The following BFSP1 variants were observed in gnomAD, a reference collection of about 807,000 sequenced individuals.
The protein encoded by BFSP1 is filensin.
In BFSP1, 38 loss-of-function variants were observed where a neutral mutation model predicts 43.9. The observed-to-expected ratio is 0.87, with a 90% CI of 0.67 to 1.14. The LOEUF (loss-of-function observed/expected upper bound fraction) is 1.14. Among genes scored for constraint, BFSP1 ranks in the 50% most tolerant of loss-of-function variants. The probability of loss-of-function intolerance (pLI) is 0.00; values close to 1 mark genes in which losing one functional copy is unlikely to be tolerated. For synonymous variants in BFSP1, 352 were observed against 354.8 expected, an observed-to-expected ratio of 0.99 and a Z score of 0.09; for missense variants, 850 against 875.1, an observed-to-expected ratio of 0.97 and a Z score of 0.36.
upstream of BFSP1, among the ~76,000 whole-genome samples, chr20:17,534,716 A>G (rs1412500698): frequency 2.0e-5 from 3 of 152,346 alleles, no homozygotes; most frequent in African/African-American, 7.2e-5. Flanking sequence ...CTGAAGAGAC[A>G]GGACATCTAA....
intron 1 of BFSP1, among the ~76,000 whole-genome samples, chr20:17,547,715 GT>G (rs200507829): frequency 9.5e-5 from 14 of 146,968 alleles, no homozygotes; most frequent in East Asian, 4.1e-4. Flanking sequence ...TAAGAGACAT[GT>G]TTTTTTTCTT....
chr20:17,547,364 G>C (rs939501118), intron 1 of BFSP1, among the ~76,000 whole-genome samples: 1 of 151,984 alleles, frequency 6.6e-6, no homozygotes, highest in African/African-American at 2.4e-5. Context: ...TGTCATCCTT[G>C]CCTAATTTTG....
chr20:17,560,254 C>T (rs1011019130), upstream of BFSP1: 2 of 152,194 alleles, frequency 1.3e-5, no homozygotes, highest in Admixed American at 1.3e-4. Context: ...ATCAGGCATT[C>T]TCTTCCTCCA....
At chr20:17,532,099 A>G (rs184825912), upstream of BFSP1, among the ~76,000 whole-genome samples, 495 of 152,276 alleles carry the variant, frequency 3.3e-3, 1 homozygote, top group Non-Finnish European at 4.8e-3. Context: ...TGCTTTCTTG[A>G]ATGGAAAAAA....
intron 1 of BFSP1, among the ~76,000 whole-genome samples, chr20:17,549,798 T>G (rs1378818284): frequency 6.6e-6 from 1 of 152,160 alleles, no homozygotes; most frequent in Admixed American, 6.5e-5. Flanking sequence ...ATCGTGCCAC[T>G]ACACTCCAGC....
intron 2 of BFSP1, chr20:17,516,976 T>C (rs2034212989): frequency 2.6e-6 from 2 of 759,294 alleles, no homozygotes; most frequent in Non-Finnish European, 4.8e-6. Flanking sequence ...AGACTGATCT[T>C]TGCTAGCAAG....
chr20:17,494,626 A>AG lies in BFSP1; in HGVS notation c.1445dup (p.Arg483Ter). On this transcript the variant is annotated frameshift_variant, in exon 8 of 8. Coordinates refer to ENST00000377873, the MANE Select transcript of BFSP1 (RefSeq NM_001195.5). LOFTEE classifies it low-confidence loss of function (END_TRUNC). Reference sequence around the variant, plus strand: ...CTGTGATGGAGGAGACATAGAATCTAGGGTCCACGTAATTGGCATCCCCTG... The same window carrying AG: ...CTGTGATGGAGGAGACATAGAATCTAGGGGTCCACGTAATTGGCATCCCCTG... The AG allele has an allele frequency of 6.2e-7, 1 of 1,614,234 alleles. No individual in the cohort carries two copies. The highest frequency in any genetic ancestry group is 1.1e-5 in the South Asian group (1 of 91,082).
intron 3 of BFSP1, 42 bp from the exon 4 acceptor site, chr20:17,512,110 C>A (rs1559956): frequency 1.0e-4 from 153 of 1,518,396 alleles, no homozygotes; most frequent in Admixed American, 2.2e-4. Flanking sequence ...AGTTGAGCTG[C>A]GCTGGTTTTT....
intron 1 of BFSP1, among the ~76,000 whole-genome samples, chr20:17,553,794 TACACACACACAC>T (rs144515006): frequency 0.083 from 8,645 of 104,698 alleles, 1,063 homozygotes; most frequent in African/African-American, 0.24. Flanking sequence ...TATATATATA[TACACACACACAC>T]ACACACACAC....
At chr20:17,535,168 T>G (rs1421621028), upstream of BFSP1, among the ~76,000 whole-genome samples, 1 of 152,164 alleles carries the variant, frequency 6.6e-6, no homozygotes, top group East Asian at 1.9e-4. Flanking sequence ...GTATCAAGAT[T>G]AAATTTACTG....
At chr20:17,543,223 G>T (rs967832224) in intron 1 of BFSP1, among the ~76,000 whole-genome samples, 1 of 152,164 alleles carries the variant, frequency 6.6e-6, no homozygotes, top group South Asian at 2.1e-4. Context: ...CAACAGTGGC[G>T]GTAAGCAGAG....
chr20:17,516,302 G>A (rs1303989182), intron 2 of BFSP1, among the ~76,000 whole-genome samples: 1 of 151,978 alleles, frequency 6.6e-6, no homozygotes, highest in Non-Finnish European at 1.5e-5. Context: ...ACTCCAGTCT[G>A]GGCAAAAAGA....
In BFSP1 at chr20:17,507,314, C is replaced by T. The variant is rs1336060701; in HGVS notation, c.735+1575G>A. ...GTGTGTGTGTGTGTGTGTATTTCAACATATCCATATGGATATAGAGAGATA... is the reference window on the plus strand; with the variant it reads ...GTGTGTGTGTGTGTGTGTATTTCAATATATCCATATGGATATAGAGAGATA... On this transcript the variant is annotated intron_variant, in intron 5 of 7. Transcript: ENST00000377873. This position sits in a 1 kb window ranked among gnomAD's most constrained non-coding sequence, Gnocchi z 4.4. 2.0e-5 allele frequency among the ~76,000 whole-genome samples: 3 copies of T among 148,298 alleles called. No homozygotes were observed. The highest frequency in any genetic ancestry group is 6.7e-5 in the Admixed American group (1 of 15,012).
rs879710645 is a variant in BFSP1, at chr20:17,494,021, C to T, written c.*53G>A. 133 of 1,458,708 alleles carry T rather than the reference C, an allele frequency of 9.1e-5. No homozygotes were observed. Among genetic ancestry groups the T allele is most frequent in the Non-Finnish European group, 1.2e-4 (129 of 1,069,044 alleles). The allele number at this position is 1,458,708 out of a possible 1,614,324, so 90.4% of individuals were successfully genotyped here. Reference sequence around the variant, plus strand: ...TATCATTTGCTCTAAAATATCAAAGCATTACCCCTACAGTGGCCCCAAATA... The same window carrying T: ...TATCATTTGCTCTAAAATATCAAAGTATTACCCCTACAGTGGCCCCAAATA... On this transcript the variant is annotated 3_prime_UTR_variant, in exon 8 of 8. Transcript: ENST00000377873.
intron 4 of BFSP1, among the ~76,000 whole-genome samples, chr20:17,511,133 C>T (rs1029720238): frequency 1.3e-5 from 2 of 150,538 alleles, no homozygotes; most frequent in Non-Finnish European, 3.0e-5. Context: ...ATATATATAT[C>T]ATGCTATGCA....
At chr20:17,559,239 C>A (rs1251670124), upstream of BFSP1, among the ~76,000 whole-genome samples, 7 of 151,680 alleles carry the variant, frequency 4.6e-5, no homozygotes, top group Admixed American at 6.6e-5. Context: ...CATTAAAAAA[C>A]AACAACAACA....
chr20:17,540,126 T>C (rs1266170457), intron 1 of BFSP1, among the ~76,000 whole-genome samples: 3 of 152,156 alleles, frequency 2.0e-5, no homozygotes, highest in African/African-American at 7.2e-5. Flanking sequence ...CGCCATTGTT[T>C]AGCAGGGTCT....
At chr20:17,549,653 T>C (rs1417115977) in intron 1 of BFSP1, among the ~76,000 whole-genome samples, 1 of 151,928 alleles carries the variant, frequency 6.6e-6, no homozygotes, top group Non-Finnish European at 1.5e-5. Flanking sequence ...CTGGGAAACA[T>C]GGTGAAACCC....
At chr20:17,513,768 G>C (rs1247805546) in intron 3 of BFSP1, among the ~76,000 whole-genome samples, 2 of 152,234 alleles carry the variant, frequency 1.3e-5, no homozygotes, top group Admixed American at 6.5e-5. Flanking sequence ...ATGACGGGTG[G>C]AGTGGGAAAG....
Sources: gnomAD v4.1 joint callset for allele counts (sites outside exome capture counted in the v4.1 genomes callset) on GRCh38, gnomAD v4.1.1 for gene constraint, Gnocchi (gnomAD v3.1) non-coding constraint, MANE v1.5 for transcripts, NCBI Gene and HGNC (gene_info 2026-07-23, HGNC 2026-07-21) for gene names.